The following CHD8 variants were observed in gnomAD, a reference collection of about 807,000 sequenced individuals.
CHD8 encodes ATP-dependent chromatin remodeler CHD8.
A neutral mutation model predicts 279.2 loss-of-function variants in CHD8; 31 were observed. The observed-to-expected ratio is 0.11, with a 90% CI of 0.08 to 0.15. The LOEUF (loss-of-function observed/expected upper bound fraction) is 0.15, where lower values mean the gene tolerates loss of function less well. CHD8 is among the 10% of genes least tolerant of loss of function. The pLI, the probability that CHD8 is intolerant of heterozygous loss-of-function variation, is 1.00. For missense variants in CHD8, 2,146 were observed against 3,230.5 expected (o/e 0.66, Z 8.14); for synonymous variants, 1,081 against 1,139.6 (o/e 0.95, Z 1.04).
At chr14:21,404,205 C>T (rs936638507) in intron 16 of CHD8, among the ~76,000 whole-genome samples, 9 of 151,800 alleles carry the variant, frequency 5.9e-5, no homozygotes, top group African/African-American at 2.2e-4. Context: ...CGAGACCAGC[C>T]TGCCCCATGT....
chr14:21,442,458 C>G (rs577814014), intron 1 of CHD8, among the ~76,000 whole-genome samples: 254 of 151,844 alleles, frequency 1.7e-3, no homozygotes, highest in African/African-American at 5.8e-3. Context: ...GAGTCTGACC[C>G]TGTCTCAAAA....
At position 21,402,222 on chromosome 14, in the gene CHD8, AAAT is replaced by A; in HGVS notation, c.3883-89_3883-87del. On this transcript the variant is annotated intron_variant, in intron 19 of 37. Coordinates refer to ENST00000646647, the MANE Select transcript of CHD8 (RefSeq NM_001170629.2). The surrounding 1 kb of genome is among the most constrained non-coding windows in gnomAD (Gnocchi z 4.5). ...AATATTTTAGCTATTATATTTTAAG[AAAT>A]AATAATTGAGAATCCAAACAAGGTA... 2.0e-6 allele frequency: 3 copies of A among 1,476,262 alleles called. No individual in the cohort carries two copies. Among genetic ancestry groups the A allele is most frequent in the Non-Finnish European group, 2.8e-6 (3 of 1,079,496 alleles). The allele number at this position is 1,476,262 out of a possible 1,614,324, so 91.4% of individuals were successfully genotyped here. A position where few individuals can be genotyped will look rare whatever the true frequency, so the allele number is the denominator to read the frequency against.
intron 13 of CHD8, among the ~76,000 whole-genome samples, chr14:21,407,844 G>C (rs1376867236): frequency 6.6e-6 from 1 of 152,036 alleles, no homozygotes; most frequent in Non-Finnish European, 1.5e-5. Context: ...CCCGGCCTCA[G>C]GTAATAAGCC....
At position 21,431,293 on chromosome 14, in the gene CHD8, T is replaced by A; in HGVS notation, c.351A>T (p.Ser117=). 1 of 1,570,826 alleles carries A rather than the reference T, an allele frequency of 6.4e-7. No homozygotes were observed. Among genetic ancestry groups the A allele is most frequent in the South Asian group, 1.1e-5 (1 of 87,248 alleles). ...QPVLQTSTPT[S]GLLQVSKSQE... ...GGCTCTTGGAGACTTGCAAAAGTCCTGATGTTGGCGTCGATGTCTGTAAGA... is the reference window on the plus strand; with the variant it reads ...GGCTCTTGGAGACTTGCAAAAGTCCAGATGTTGGCGTCGATGTCTGTAAGA... Residue 117 remains serine (S), a synonymous_variant, in exon 2 of 38, where the codon TCA becomes TCT. Transcript: ENST00000646647.
intron 9 of CHD8, chr14:21,414,038 G>A (rs934399178): frequency 2.8e-6 from 1 of 360,236 alleles, no homozygotes; most frequent in African/African-American, 2.1e-5. Context: ...CCAGCAGTCA[G>A]TGTATCATCA....
intron 1 of CHD8, among the ~76,000 whole-genome samples, chr14:21,441,872 G>C (rs1368874941): frequency 6.7e-6 from 1 of 148,724 alleles, no homozygotes; most frequent in Non-Finnish European, 1.5e-5. Context: ...CTGGGTGACA[G>C]AGCGAGACTC....
In CHD8 at chr14:21,450,669, C is replaced by T. The variant is rs189863779; in HGVS notation, c.-216+5363G>A. 1.5e-3 allele frequency among the ~76,000 whole-genome samples: 220 copies of T among 148,708 alleles called. 2 individuals are homozygous for T. The highest frequency in any genetic ancestry group is 4.5e-3 in the African/African-American group (183 of 40,328). ...TAAGATCCTGTCTCTTAAAAAAAAA[C>T]AAAAACAGAAAAAAAGAAAAAAAAA... is the stretch of plus-strand genomic sequence containing the variant. On this transcript the variant is annotated intron_variant, in intron 1 of 37. Transcript: ENST00000646647.
At chr14:21,407,072 G>A in intron 13 of CHD8, 40 bp from the exon 14 acceptor site, 2 of 1,492,316 alleles carry the variant, frequency 1.3e-6, no homozygotes, top group Non-Finnish European at 1.8e-6. Context: ...AACCAAAAAT[G>A]TACCTAAATG....
At chr14:21,420,693 TAAG>T (rs2139513450) in intron 5 of CHD8, among the ~76,000 whole-genome samples, 1 of 152,174 alleles carries the variant, frequency 6.6e-6, no homozygotes, top group Non-Finnish European at 1.5e-5. Context: ...TTCATGAAAG[TAAG>T]AAATATTTCT....
chr14:21,429,524 T>C (rs1309697321), intron 2 of CHD8, 189 bp from the exon 3 acceptor site: 2 of 746,838 alleles, frequency 2.7e-6, no homozygotes, highest in Admixed American at 1.8e-5. Flanking sequence ...AGGGTCTCGC[T>C]GTATTGCCCA....
Position 21,385,886 on chromosome 14 carries a change from C to G in CHD8, c.7473G>C (p.Met2491Ile). Residue 2491 changes from methionine to isoleucine, a missense_variant, in exon 38 of 38, where the codon ATG becomes ATC. By Grantham distance (10) the Met-to-Ile change is conservative. Coordinates refer to ENST00000646647, the MANE Select transcript of CHD8 (RefSeq NM_001170629.2). The stretch of plus-strand genomic sequence containing the variant: ...GGGGGTGGTGGTGGTGGTGATGAAG[C>G]ATGGTGCTGGAGTCTACATGAGGGG... ...PSSPHVDSST[M>I]LHHHHHHPHP... The G allele has an allele frequency of 6.4e-7, 1 of 1,551,278 alleles. No homozygotes were observed. The highest frequency in any genetic ancestry group is 1.2e-5 in the South Asian group (1 of 84,052).
chr14:21,417,045 A>C (rs1332847243), intron 5 of CHD8, among the ~76,000 whole-genome samples: 1 of 152,204 alleles, frequency 6.6e-6, no homozygotes, highest in Non-Finnish European at 1.5e-5. Flanking sequence ...GGTTGCAGTG[A>C]GCAAACTTCA....
Position 21,408,259 on chromosome 14 carries a change from G to A in CHD8, c.2730+53C>T. Reference sequence around the variant, plus strand: ...TCATATATAGCCCTTAAAATACCAGGTACCTTGGCCGACTTTCTCTAACTC... The same window carrying A: ...TCATATATAGCCCTTAAAATACCAGATACCTTGGCCGACTTTCTCTAACTC... On this transcript the variant is annotated intron_variant, in intron 13 of 37. Coordinates refer to ENST00000646647, the MANE Select transcript of CHD8 (RefSeq NM_001170629.2). This position sits in a 1 kb window ranked among gnomAD's most constrained non-coding sequence, Gnocchi z 4.3. 1 of 1,584,114 alleles carries A rather than the reference G, an allele frequency of 6.3e-7. No homozygotes were observed. The highest frequency in any genetic ancestry group is 8.6e-7 in the Non-Finnish European group (1 of 1,165,710).
In CHD8 at chr14:21,402,319, A is replaced by G; in HGVS notation, c.3882+17T>C. On this transcript the variant is annotated intron_variant, in intron 19 of 37. Transcript: ENST00000646647. The surrounding 1 kb of genome is among the most constrained non-coding windows in gnomAD (Gnocchi z 4.5). Reference sequence around the variant, plus strand: ...AATGATCTACTACAAACTTATCTATAAACTAAGAGGACTCACTCCAGTAAT... The same window carrying G: ...AATGATCTACTACAAACTTATCTATGAACTAAGAGGACTCACTCCAGTAAT... The G allele has an allele frequency of 6.2e-7, 1 of 1,613,578 alleles. No homozygotes were observed. The highest frequency in any genetic ancestry group is 8.5e-7 in the Non-Finnish European group (1 of 1,179,552).
chr14:21,419,421 G>A, intron 5 of CHD8, among the ~76,000 whole-genome samples: 1 of 152,126 alleles, frequency 6.6e-6, no homozygotes, highest in Non-Finnish European at 1.5e-5. Flanking sequence ...TCACCTGGGT[G>A]TGGCAGCATG....
intron 37 of CHD8, among the ~76,000 whole-genome samples, chr14:21,387,085 T>G (rs886525590): frequency 6.6e-6 from 1 of 152,238 alleles, no homozygotes. Context: ...TTAAATGGCT[T>G]CTTCTAGATG....
chr14:21,392,226 G>A (rs776582187), intron 34 of CHD8: 17 of 753,480 alleles, frequency 2.3e-5, no homozygotes, highest in Admixed American at 3.4e-5. Context: ...TGGTGTCTCC[G>A]TATTAGCATG....
intron 1 of CHD8, among the ~76,000 whole-genome samples, chr14:21,441,642 A>G (rs914046612): frequency 2.6e-5 from 4 of 152,046 alleles, no homozygotes; most frequent in Admixed American, 6.5e-5. Context: ...TAATCCCAGC[A>G]CTTTGGGAGG....
intron 30 of CHD8, 24 bp downstream of exon 30, chr14:21,394,888 C>A: frequency 6.2e-7 from 1 of 1,609,952 alleles, no homozygotes; most frequent in Non-Finnish European, 8.5e-7. Context: ...CACAGATCAG[C>A]ACAAGTTCCC....
Sources: allele counts gnomAD v4.1 joint callset (sites outside exome capture counted in the v4.1 genomes callset), GRCh38; gene constraint gnomAD v4.1.1; non-coding constraint Gnocchi (gnomAD v3.1); transcripts MANE v1.5; gene names NCBI Gene and HGNC (gene_info 2026-07-23, HGNC 2026-07-21).